TMEM255B: variants seen among roughly 807,000 people sequenced by gnomAD.
The protein encoded by TMEM255B is family with sequence similarity 70, member B.
Under a neutral mutation model 34.5 loss-of-function variants are expected in TMEM255B, and 35 were observed. The observed-to-expected ratio is 1.01, with a 90% confidence interval of 0.77 to 1.34. The LOEUF is 1.34. Among genes scored for constraint, TMEM255B ranks in the 40% most tolerant of loss-of-function variants. The probability of loss-of-function intolerance (pLI) is 0.00; values close to 1 mark genes in which losing one functional copy is unlikely to be tolerated. For missense variants in TMEM255B, 432 were observed against 433.2 expected (o/e 1.00, Z 0.02); for synonymous variants, 206 against 201.2 (o/e 1.02, Z -0.20).
rs1417149605 is a variant in TMEM255B at position 113,811,464 on chromosome 13, G to A, written c.814-272G>A. ...AGTGGCCCTGGGTCTGTGGGAGCCC[G>A]TGTGAATAGCCCTGGGTCTGTGGGG... On this transcript the variant is annotated intron_variant, in intron 8 of 8. Coordinates refer to ENST00000375353, the MANE Select transcript of TMEM255B (RefSeq NM_182614.4). 2.4e-5 allele frequency among the ~76,000 whole-genome samples: 3 copies of A among 124,336 alleles called. No individual in the cohort carries two copies. The Admixed American group carries it at 2.6e-4, about 11-fold the overall frequency. The allele number at this position is 124,336 out of a possible 152,430, so 81.6% of individuals were successfully genotyped here.
At chr13:113,807,464 G>T (rs1229089639) in intron 8 of TMEM255B, among the ~76,000 whole-genome samples, 1 of 139,890 alleles carries the variant, frequency 7.1e-6, no homozygotes, top group Non-Finnish European at 1.5e-5. Flanking sequence ...GGATGTGGGG[G>T]TGGTCCTCCC....
At chr13:113,765,802 G>A (rs974231854) in intron 1 of TMEM255B, among the ~76,000 whole-genome samples, 2 of 152,228 alleles carry the variant, frequency 1.3e-5, no homozygotes, top group Non-Finnish European at 2.9e-5. Flanking sequence ...GACACCAGGG[G>A]GAGAAAGTCA....
At chr13:113,788,965 A>G (rs952833841) in intron 3 of TMEM255B, among the ~76,000 whole-genome samples, 2 of 151,632 alleles carry the variant, frequency 1.3e-5, no homozygotes, top group African/African-American at 4.8e-5. Context: ...TTAGACCCAC[A>G]TGCCATGCTG....
intron 3 of TMEM255B, among the ~76,000 whole-genome samples, chr13:113,791,803 CTG>C: frequency 1.3e-5 from 2 of 152,352 alleles, no homozygotes; most frequent in East Asian, 3.9e-4. Context: ...CCAACAGAAA[CTG>C]TGGGAGTTCT....
chr13:113,802,673 C>T (rs2051087892), intron 7 of TMEM255B, among the ~76,000 whole-genome samples: 1 of 121,432 alleles, frequency 8.2e-6, no homozygotes, highest in Non-Finnish European at 1.9e-5. Flanking sequence ...AAAATTAGCT[C>T]AGCTGGGAAC....
In TMEM255B at chr13:113,814,863, G is replaced by A. The variant is rs1190808884; in HGVS notation, c.*2960G>A. The A allele has an allele frequency of 1.3e-5, 2 of 150,946 alleles. No homozygotes were observed. Among genetic ancestry groups the A allele is most frequent in the African/African-American group, 2.4e-5 (1 of 41,070 alleles). 9.4% of individuals were successfully genotyped at this position (150,946 alleles called of 1,614,324 possible). On this transcript the variant is annotated 3_prime_UTR_variant, in exon 9 of 9. Coordinates refer to ENST00000375353, the MANE Select transcript of TMEM255B (RefSeq NM_182614.4). ...GGGTGGAGGGGATGGTGGGGCAGGG[G>A]GTGCTGGGGGGTTTGGGGGTGCTGT...
Position 113,769,042 on chromosome 13 carries a change from T to C in TMEM255B, c.190-56T>C, listed in dbSNP as rs371718082. The C allele has an allele frequency of 7.6e-5, 122 of 1,595,946 alleles. No individual in the cohort carries two copies. Among genetic ancestry groups the C allele is most frequent in the Non-Finnish European group, 1.0e-4 (117 of 1,163,966 alleles). The stretch of plus-strand genomic sequence containing the variant: ...GGATTATTTGCTTTAAATGTCAGTG[T>C]TAAGCTTCTAGGCACGTTAATGAGT... On this transcript the variant is annotated intron_variant, in intron 2 of 8. Transcript: ENST00000375353. This position sits in a 1 kb window ranked among gnomAD's most constrained non-coding sequence, Gnocchi z 4.2.
At chr13:113,807,115 G>A (rs1224123855) in intron 8 of TMEM255B, among the ~76,000 whole-genome samples, 2 of 152,182 alleles carry the variant, frequency 1.3e-5, no homozygotes, top group African/African-American at 4.8e-5. Flanking sequence ...TGAAGCTCTG[G>A]CTGTGAGGGG....
At chr13:113,809,912 C>T (rs2051268059) in intron 8 of TMEM255B, among the ~76,000 whole-genome samples, 1 of 152,076 alleles carries the variant, frequency 6.6e-6, no homozygotes, top group Non-Finnish European at 1.5e-5. Flanking sequence ...TGGCCAGAAA[C>T]CTGTGTGAGT....
intron 2 of TMEM255B, 92 bp downstream of exon 2, chr13:113,766,349 G>A: frequency 6.4e-7 from 1 of 1,562,062 alleles, no homozygotes; most frequent in Non-Finnish European, 8.8e-7. Context: ...ACAGGGCTGG[G>A]GCTGAAGGTG....
chr13:113,805,048 C>T lies in TMEM255B; in HGVS notation c.813+20C>T, dbSNP rs757958279. 2.5e-6 allele frequency: 4 copies of T among 1,583,646 alleles called. No individual in the cohort carries two copies. The East Asian group carries it at 9.1e-5, about 36-fold the overall frequency. The stretch of plus-strand genomic sequence containing the variant: ...CTTCAGGTAGGGCCAGCATCACCTG[C>T]TGGAGTTGGACGCGCTGGTCACAGG... On this transcript the variant is annotated intron_variant, in intron 8 of 8. Transcript: ENST00000375353.
chr13:113,780,961 C>T lies in TMEM255B; in HGVS notation c.252+11801C>T, dbSNP rs189890369. On this transcript the variant is annotated intron_variant, in intron 3 of 8. Transcript: ENST00000375353. ...TCTCCCATAACTTTGGAACACATAC[C>T]AATAACATATTTATACAAACACAGC... Among the ~76,000 whole-genome samples, 243 of 152,208 alleles carry T rather than the reference C, an allele frequency of 1.6e-3. 9 individuals carry two copies. The South Asian group carries it at 0.043, about 27-fold the overall frequency.
intron 4 of TMEM255B, among the ~76,000 whole-genome samples, chr13:113,796,337 T>TACCACACAGAGTACACACCTCAC (rs1162582205): frequency 2.9e-5 from 1 of 34,800 alleles, no homozygotes; most frequent in Non-Finnish European, 5.8e-5. Flanking sequence ...ACAGAGCACA[T>TACCACACAGAGTACACACCTCAC]ACCACACAGA....
intron 4 of TMEM255B, among the ~76,000 whole-genome samples, chr13:113,796,668 C>T (rs545503506): frequency 9.8e-4 from 149 of 152,334 alleles, no homozygotes; most frequent in African/African-American, 3.3e-3. Context: ...CGGTGGGCTG[C>T]GCCATCCCCC....
At chr13:113,768,111 C>A (rs923242143) in intron 2 of TMEM255B, 5 of 438,572 alleles carry the variant, frequency 1.1e-5, no homozygotes, top group African/African-American at 1.0e-4. Context: ...ACGGCCCCAG[C>A]AACTCCAAGG....
Position 113,799,347 on chromosome 13 carries a change from G to A in TMEM255B, c.351G>A (p.Arg117=), listed in dbSNP as rs568450748. The change falls in exon 5 of 9, where the codon AGG becomes AGA. Residue 117 remains arginine, a synonymous_variant. Coordinates refer to ENST00000375353, the MANE Select transcript of TMEM255B (RefSeq NM_182614.4). The part of the protein sequence containing the change: ...GVFAAQHIEP[R]PLTTGRCQFY... ...TTTATCTGTTTCTCTAGGAACCGAG[G>A]CCCCTCACCACGGGAAGATGCCAGT... 2.2e-5 allele frequency: 35 copies of A among 1,614,048 alleles called. No homozygotes were observed. The South Asian group carries it at 3.5e-4, about 16-fold the overall frequency.
At chr13:113,790,805 T>C (rs9635152) in intron 3 of TMEM255B, among the ~76,000 whole-genome samples, 10,302 of 53,272 alleles carry the variant, frequency 0.19, 920 homozygotes, top group East Asian at 0.39. Flanking sequence ...CATCCTAGCA[T>C]TGAACTGACT....
intron 3 of TMEM255B, among the ~76,000 whole-genome samples, chr13:113,792,306 G>A (rs981936694): frequency 7.2e-5 from 11 of 152,242 alleles, no homozygotes; most frequent in Non-Finnish European, 1.5e-4. Flanking sequence ...AAATAGGAAG[G>A]TGAAGGAAGT....
At chr13:113,789,587 G>A (rs2050794238) in intron 3 of TMEM255B, among the ~76,000 whole-genome samples, 2 of 152,216 alleles carry the variant, frequency 1.3e-5, no homozygotes, top group African/African-American at 4.8e-5. Context: ...GGAGCTGGAG[G>A]AGGCCATTCC....
Sources: gnomAD v4.1 joint callset for allele counts (sites outside exome capture counted in the v4.1 genomes callset) on GRCh38, gnomAD v4.1.1 for gene constraint, Gnocchi (gnomAD v3.1) non-coding constraint, MANE v1.5 for transcripts, NCBI Gene and HGNC (gene_info 2026-07-23, HGNC 2026-07-21) for gene names.